The following USP32 variants were observed in gnomAD, a reference collection of about 807,000 sequenced individuals.
USP32 encodes the protein ubiquitin carboxyl-terminal hydrolase 32.
USP32 carries 59 observed loss-of-function variants against 204.8 expected under a neutral mutation model. That is an observed-to-expected ratio of 0.29 (90% CI 0.23 to 0.36). The LOEUF (loss-of-function observed/expected upper bound fraction) is 0.36. Ranked by LOEUF, USP32 falls within the 10% of genes least tolerant of loss-of-function variation. USP32 has a pLI of 1.00. For missense variants in USP32, 1,160 were observed against 1,946.4 expected (o/e 0.60, Z 7.60); for synonymous variants, 517 against 678.4 (o/e 0.76, Z 3.70).
chr17:60,383,880 A>G (rs1013964903), intron 1 of USP32, among the ~76,000 whole-genome samples: 11 of 152,230 alleles, frequency 7.2e-5, no homozygotes, highest in Non-Finnish European at 1.0e-4. Flanking sequence ...AAAATTAATT[A>G]TAGACTTTAA....
intron 2 of USP32, among the ~76,000 whole-genome samples, chr17:60,326,145 T>G (rs1177778864): frequency 6.6e-6 from 1 of 151,080 alleles, no homozygotes; most frequent in Non-Finnish European, 1.5e-5. Context: ...TATGTGCATA[T>G]GTCACTTTGA....
chr17:60,184,348 C>T (rs1233395965), intron 30 of USP32, among the ~76,000 whole-genome samples: 1 of 151,398 alleles, frequency 6.6e-6, no homozygotes, highest in Non-Finnish European at 1.5e-5. Context: ...CCCTCCTCCC[C>T]ACCCACCTTG....
intron 11 of USP32, among the ~76,000 whole-genome samples, chr17:60,251,435 T>A (rs2086164843): frequency 1.3e-5 from 2 of 152,232 alleles, no homozygotes; most frequent in African/African-American, 4.8e-5. Context: ...AACTCTATTT[T>A]AGTAAACTCC....
chr17:60,258,602 G>A (rs2086375620), intron 9 of USP32, among the ~76,000 whole-genome samples: 1 of 152,214 alleles, frequency 6.6e-6, no homozygotes, highest in African/African-American at 2.4e-5. Context: ...TACTTAGAAA[G>A]TAACAGCTCT....
At chr17:60,203,396 C>CAAA (rs554691150) in intron 26 of USP32, among the ~76,000 whole-genome samples, 248 of 24,364 alleles carry the variant, frequency 0.01, 10 homozygotes, top group African/African-American at 0.015. Flanking sequence ...GCGAGACTGT[C>CAAA]AAAAAAAAAA....
upstream of USP32, among the ~76,000 whole-genome samples, chr17:60,395,589 G>A (rs866930912): frequency 1.3e-5 from 2 of 152,260 alleles, no homozygotes; most frequent in East Asian, 1.9e-4. Context: ...TCTATTAATC[G>A]TTTAGTTTGT....
At chr17:60,320,782 A>C (rs1313356100) in intron 2 of USP32, among the ~76,000 whole-genome samples, 1 of 152,218 alleles carries the variant, frequency 6.6e-6, no homozygotes, top group African/African-American at 2.4e-5. Flanking sequence ...AAAGGGTAAT[A>C]AGCAATAAAA....
intron 1 of USP32, among the ~76,000 whole-genome samples, chr17:60,374,749 AAAAAAGC>A (rs1371595255): frequency 6.6e-6 from 1 of 152,184 alleles, no homozygotes; most frequent in Non-Finnish European, 1.5e-5. Context: ...TGACTACATA[AAAAAAGC>A]AAAAAGCAAA....
chr17:60,280,676 T>G (rs1338682727), intron 5 of USP32, among the ~76,000 whole-genome samples: 1 of 152,234 alleles, frequency 6.6e-6, no homozygotes, highest in African/African-American at 2.4e-5. Flanking sequence ...TGCTTTAAAA[T>G]AAATGTCTAC....
chr17:60,353,232 T>A (rs776456933), intron 1 of USP32, among the ~76,000 whole-genome samples: 1 of 152,068 alleles, frequency 6.6e-6, no homozygotes, highest in Admixed American at 6.5e-5. Context: ...GGAAAGAGCA[T>A]GTATGGATGC....
intron 31 of USP32, among the ~76,000 whole-genome samples, chr17:60,182,162 C>T (rs1456370776): frequency 6.6e-6 from 1 of 152,208 alleles, no homozygotes; most frequent in Non-Finnish European, 1.5e-5. Context: ...TTGTTGCTGT[C>T]CATTGTTACC....
rs140358274 is a variant in USP32, at chr17:60,267,253, A to G, written c.812-1162T>C. Among the ~76,000 whole-genome samples the G allele has an allele frequency of 3.5e-3, 536 of 152,054 alleles. 2 individuals are homozygous for G. Among genetic ancestry groups the G allele is most frequent in the African/African-American group, 0.012 (491 of 41,506 alleles). ...AAATCCCGTCGCTACTAAAAATACA[A>G]AAAATTAGCTGGGCGTAGTGGCGGG... On this transcript the variant is annotated intron_variant, in intron 7 of 33. Transcript: ENST00000300896.
intron 3 of USP32, among the ~76,000 whole-genome samples, chr17:60,297,350 C>G (rs1260695821): frequency 6.6e-6 from 1 of 152,114 alleles, no homozygotes; most frequent in Non-Finnish European, 1.5e-5. Context: ...AGTGAGCTAT[C>G]TTGCCACTGT....
intron 1 of USP32, among the ~76,000 whole-genome samples, chr17:60,366,778 G>A (rs1336879976): frequency 6.6e-6 from 1 of 151,372 alleles, no homozygotes; most frequent in African/African-American, 2.4e-5. Flanking sequence ...TTTTCTTGAA[G>A]AAACAGAGAC....
At chr17:60,352,094 G>A (rs1274994537) in intron 1 of USP32, among the ~76,000 whole-genome samples, 1 of 152,180 alleles carries the variant, frequency 6.6e-6, no homozygotes, top group Admixed American at 6.5e-5. Flanking sequence ...GAATGATAAT[G>A]GGCAGACAAA....
At chr17:60,421,293 C>A in intron 1 of USP32, 1 of 868,956 alleles carries the variant, frequency 1.2e-6, no homozygotes, top group Non-Finnish European at 1.4e-6. Context: ...GCTGAACATG[C>A]TGGCATAGAG....
chr17:60,318,351 T>G (rs904263146), intron 2 of USP32, among the ~76,000 whole-genome samples: 1 of 152,190 alleles, frequency 6.6e-6, no homozygotes, highest in Non-Finnish European at 1.5e-5. Context: ...TGGTAGTGAT[T>G]AAAGAATTAT....
At chr17:60,300,264 G>A (rs1424942492) in intron 3 of USP32, among the ~76,000 whole-genome samples, 1 of 152,160 alleles carries the variant, frequency 6.6e-6, no homozygotes, top group East Asian at 1.9e-4. Context: ...CTTTTGGTAA[G>A]GCAGATCTGT....
chr17:60,229,730 A>G (rs1392415344), intron 12 of USP32, among the ~76,000 whole-genome samples: 2 of 152,172 alleles, frequency 1.3e-5, no homozygotes, highest in African/African-American at 4.8e-5. Flanking sequence ...TAACCATCAC[A>G]TTTTTGGCAA....
Sources: gnomAD v4.1 joint callset for allele counts (sites outside exome capture counted in the v4.1 genomes callset) on GRCh38, gnomAD v4.1.1 for gene constraint, MANE v1.5 for transcripts, NCBI Gene and HGNC (gene_info 2026-07-23, HGNC 2026-07-21) for gene names.